ANO10: variants seen among roughly 807,000 people sequenced by gnomAD.
The protein encoded by ANO10 is anoctamin 10, also known as anoctamin-10.
ANO10 carries 77 observed loss-of-function variants against 74.7 expected under a neutral mutation model. That is an observed-to-expected ratio of 1.03 (90% CI 0.86 to 1.25). The LOEUF is 1.25. ANO10 is among the 50% of genes most tolerant of loss of function. ANO10 has a pLI of 0.00. For missense variants in ANO10, 721 were observed against 778.1 expected (o/e 0.93, Z 0.87); for synonymous variants, 279 against 284.9 (o/e 0.98, Z 0.21).
At chr3:43,401,223 G>A (rs187915821) in intron 12 of ANO10, among the ~76,000 whole-genome samples, 6 of 152,186 alleles carry the variant, frequency 3.9e-5, no homozygotes, top group East Asian at 3.9e-4. Flanking sequence ...TATGAAGGAC[G>A]TGCTAGGGTG....
intron 11 of ANO10, among the ~76,000 whole-genome samples, chr3:43,504,307 GATAGATAGA>G (rs2077210775): frequency 1.4e-5 from 2 of 148,128 alleles, no homozygotes; most frequent in Non-Finnish European, 3.0e-5. Flanking sequence ...TAGGTAGATA[GATAGATAGA>G]TAGATAGATA....
At chr3:43,434,215 T>G (rs1177073312) in intron 11 of ANO10, among the ~76,000 whole-genome samples, 2 of 152,160 alleles carry the variant, frequency 1.3e-5, no homozygotes, top group Non-Finnish European at 2.9e-5. Context: ...AGCCTTCATG[T>G]AAATGTGACT....
At chr3:43,450,087 C>T (rs150404170) in intron 11 of ANO10, among the ~76,000 whole-genome samples, 2 of 152,262 alleles carry the variant, frequency 1.3e-5, no homozygotes, top group Non-Finnish European at 2.9e-5. Flanking sequence ...CAAATGTTCA[C>T]TGCAGGTATA....
chr3:43,488,765 T>C (rs1346856987), intron 11 of ANO10, among the ~76,000 whole-genome samples: 1 of 152,316 alleles, frequency 6.6e-6, no homozygotes, highest in African/African-American at 2.4e-5. Context: ...GGTGTGGCGA[T>C]TCCTCAGGGA....
Position 43,485,285 on chromosome 3 carries a change from G to A in ANO10, c.1798-52558C>T, listed in dbSNP as rs554658713. On this transcript the variant is annotated intron_variant, in intron 11 of 12. Coordinates refer to ENST00000292246, the MANE Select transcript of ANO10 (RefSeq NM_018075.5). ...CTGCTGTTTGCCGCCCTTTGCCACC[G>A]TCGCAGACCCGCTGCTGACTTCCAT... is the stretch of plus-strand genomic sequence containing the variant. 312 of 593,082 alleles carry A rather than the reference G, an allele frequency of 5.3e-4. 1 individual carries two copies. The highest frequency in any genetic ancestry group is 3.2e-3 in the Middle Eastern group (7 of 2,198). The allele number at this position is 593,082 out of a possible 1,614,324, so 36.7% of individuals were successfully genotyped here. A position where few individuals can be genotyped will look rare whatever the true frequency, so the allele number is the denominator to read the frequency against.
intron 4 of ANO10, among the ~76,000 whole-genome samples, chr3:43,595,294 G>C (rs944290538): frequency 1.3e-5 from 2 of 152,088 alleles, no homozygotes; most frequent in African/African-American, 4.8e-5. Context: ...ACCAAAGCCT[G>C]GCAGAGACAC....
chr3:43,555,183 T>C, intron 10 of ANO10, 95 bp downstream of exon 10: 1 of 1,288,110 alleles, frequency 7.8e-7, no homozygotes, highest in South Asian at 1.3e-5. Flanking sequence ...TTTTCCTAAA[T>C]CTCTCTGTAG....
Position 43,571,627 on chromosome 3 carries a change from C to G in ANO10, c.1218+3182G>C, listed in dbSNP as rs1294031189. 6.0e-5 allele frequency among the ~76,000 whole-genome samples: 9 copies of G among 149,894 alleles called. No individual in the cohort carries two copies. The East Asian group carries it at 7.9e-4, about 13-fold the overall frequency. On this transcript the variant is annotated intron_variant, in intron 7 of 12. Transcript: ENST00000292246. ...GCATATTCTCACTCATAGGTGGGAA[C>G]TGAACAATGAGATCACATGGACACA...
rs769662894 is a variant in ANO10, at chr3:43,598,676, A to G, written c.338-10T>C. ...AAATCATCATTGTTATCTAAAATAA[A>G]ACAGAAATTACCAGATTTTAGTAAT... On this transcript the variant is annotated splice_polypyrimidine_tract_variant and intron_variant, in intron 3 of 12. Coordinates refer to ENST00000292246, the MANE Select transcript of ANO10 (RefSeq NM_018075.5). The G allele has an allele frequency of 1.9e-6, 3 of 1,587,378 alleles. No homozygotes were observed. Among genetic ancestry groups the G allele is most frequent in the Admixed American group, 1.7e-5 (1 of 58,844 alleles).
At chr3:43,489,661 C>T (rs534097311) in intron 11 of ANO10, among the ~76,000 whole-genome samples, 7 of 152,120 alleles carry the variant, frequency 4.6e-5, no homozygotes, top group Admixed American at 6.5e-5. Flanking sequence ...AGAATGAATT[C>T]GTCAATAATT....
At chr3:43,520,821 G>A (rs2077921264) in intron 11 of ANO10, among the ~76,000 whole-genome samples, 2 of 152,030 alleles carry the variant, frequency 1.3e-5, no homozygotes, top group African/African-American at 4.8e-5. Flanking sequence ...AGTCAGCTAG[G>A]ATTTAAAATA....
intron 11 of ANO10, chr3:43,484,900 G>A: frequency 1.5e-6 from 1 of 672,420 alleles, no homozygotes; most frequent in Admixed American, 2.8e-5. Flanking sequence ...AGCATTTACA[G>A]TTTATGTCTT....
chr3:43,465,115 C>A (rs111298211), intron 11 of ANO10, among the ~76,000 whole-genome samples: 1 of 151,898 alleles, frequency 6.6e-6, no homozygotes, highest in African/African-American at 2.4e-5. Context: ...TAAGTTTTAC[C>A]CCATATAAAT....
intron 1 of ANO10, chr3:43,691,139 C>T (rs2084369481): frequency 8.2e-7 from 1 of 1,218,550 alleles, no homozygotes. Context: ...TCGCCGCCCG[C>T]CTGGCGACGA....
intron 9 of ANO10, among the ~76,000 whole-genome samples, chr3:43,560,997 G>T (rs775426703): frequency 2.6e-5 from 4 of 152,188 alleles, no homozygotes; most frequent in Non-Finnish European, 5.9e-5. Context: ...CTCCAAATTT[G>T]CCCTTTGGTG....
chr3:43,403,835 T>C (rs2092527183), intron 12 of ANO10, among the ~76,000 whole-genome samples: 1 of 152,160 alleles, frequency 6.6e-6, no homozygotes, highest in South Asian at 2.1e-4. Flanking sequence ...TAATAAACAT[T>C]CAGAGTACCT....
chr3:43,447,753 A>G (rs1478037110), intron 11 of ANO10, among the ~76,000 whole-genome samples: 4 of 152,162 alleles, frequency 2.6e-5, no homozygotes, highest in Non-Finnish European at 5.9e-5. Context: ...GAAAGTAGAG[A>G]GTTGCTGTAT....
chr3:43,428,812 A>AAAAAAAAAAAAAAAAAAAAT lies in ANO10; in HGVS notation c.1914+3798_1914+3799insATTTTTTTTTTTTTTTTTTT, dbSNP rs2092938046. ...TTGTGAATGCAAAAAAAAAAAAAAA[A>AAAAAAAAAAAAAAAAAAAAT]AAAAAAGTCATTGAAGCATTTCAGA... On this transcript the variant is annotated intron_variant, in intron 12 of 12. Coordinates refer to ENST00000292246, the MANE Select transcript of ANO10 (RefSeq NM_018075.5). 1.3e-5 allele frequency among the ~76,000 whole-genome samples: 2 copies of AAAAAAAAAAAAAAAAAAAAT among 150,830 alleles called. 1 individual carries two copies. Among genetic ancestry groups the AAAAAAAAAAAAAAAAAAAAT allele is most frequent in the African/African-American group, 4.8e-5 (2 of 41,240 alleles).
chr3:43,544,371 T>C (rs1183412778), intron 11 of ANO10, among the ~76,000 whole-genome samples: 2 of 152,078 alleles, frequency 1.3e-5, no homozygotes, highest in Non-Finnish European at 2.9e-5. Flanking sequence ...TCATCAATTT[T>C]TAAAGGCAAC....
Sources: allele counts gnomAD v4.1 joint callset (sites outside exome capture counted in the v4.1 genomes callset), GRCh38; gene constraint gnomAD v4.1.1; transcripts MANE v1.5; gene names NCBI Gene and HGNC (gene_info 2026-07-23, HGNC 2026-07-21).